The following RGS8 variants were observed in gnomAD, a reference collection of about 807,000 sequenced individuals.
RGS8 encodes regulator of G-protein signaling 8.
A neutral mutation model predicts 21.7 loss-of-function variants in RGS8; 8 were observed. The observed-to-expected ratio is 0.37, with a 90% CI of 0.22 to 0.66. The LOEUF is 0.66. Ranked by LOEUF, RGS8 falls within the 30% of genes least tolerant of loss-of-function variation. The pLI is 0.59. For missense variants in RGS8, 157 were observed against 217.9 expected (o/e 0.72, Z 1.76); for synonymous variants, 80 against 83.6 (o/e 0.96, Z 0.24).
chr1:182,666,083 G>A (rs980993224), intron 4 of RGS8, 50 bp from the exon 6 acceptor site: 6 of 1,509,958 alleles, frequency 4.0e-6, no homozygotes, highest in Non-Finnish European at 5.5e-6. Flanking sequence ...TAACCTCCTT[G>A]CCCTCAACAA....
the RGS8 span, among the ~76,000 whole-genome samples, chr1:182,742,295 T>C: frequency 6.8e-6 from 1 of 146,706 alleles, no homozygotes; most frequent in Non-Finnish European, 1.5e-5. Flanking sequence ...TCCCAGACGA[T>C]GGGTGGCCAG....
chr1:182,677,335 G>A (rs931236504), upstream of RGS8, among the ~76,000 whole-genome samples: 2 of 152,112 alleles, frequency 1.3e-5, no homozygotes, highest in African/African-American at 4.8e-5. Context: ...CTTGACAAAC[G>A]GCAAATAGCT....
At chr1:182,712,086 A>G in the RGS8 span, among the ~76,000 whole-genome samples, 1 of 152,242 alleles carries the variant, frequency 6.6e-6, no homozygotes. Flanking sequence ...ACTCCCATTT[A>G]ACAAGTGAAG....
the RGS8 span, among the ~76,000 whole-genome samples, chr1:182,749,756 G>C: frequency 6.6e-6 from 1 of 152,050 alleles, no homozygotes. Context: ...TCCAGGATAC[G>C]TGTGCAGAAC....
chr1:182,692,571 G>T, the RGS8 span, among the ~76,000 whole-genome samples: 9 of 149,282 alleles, frequency 6.0e-5, no homozygotes, highest in East Asian at 1.2e-3. Context: ...CAGATTCAGT[G>T]CTATACCTAT....
the RGS8 span, among the ~76,000 whole-genome samples, chr1:182,696,709 G>A: frequency 1.3e-5 from 2 of 152,222 alleles, no homozygotes; most frequent in African/African-American, 4.8e-5. Context: ...TTTGTGCCTT[G>A]TAGCTATTGC....
chr1:182,659,516 T>C (rs1248978861), intron 5 of RGS8, among the ~76,000 whole-genome samples: 1 of 152,148 alleles, frequency 6.6e-6, no homozygotes, highest in East Asian at 1.9e-4. Context: ...CTGACCAACA[T>C]GGTGAAACCT....
At chr1:182,674,938 A>T (rs1571351032), upstream of RGS8, among the ~76,000 whole-genome samples, 1 of 151,266 alleles carries the variant, frequency 6.6e-6, no homozygotes, top group Admixed American at 6.6e-5. Context: ...GTCTATACTC[A>T]CTCCTCTTGG....
At chr1:182,687,919 C>T (rs1664741947), upstream of RGS8, among the ~76,000 whole-genome samples, 1 of 152,196 alleles carries the variant, frequency 6.6e-6, no homozygotes, top group South Asian at 2.1e-4. Flanking sequence ...CAAGGAACTC[C>T]ACCATTTCCT....
chr1:182,734,203 G>A, the RGS8 span, among the ~76,000 whole-genome samples: 1 of 152,150 alleles, frequency 6.6e-6, no homozygotes. Context: ...TCACAGGCAT[G>A]AGCCACCGTG....
the RGS8 span, among the ~76,000 whole-genome samples, chr1:182,708,700 C>T: frequency 6.6e-6 from 1 of 152,244 alleles, no homozygotes; most frequent in African/African-American, 2.4e-5. Flanking sequence ...CGGCCAAGAA[C>T]AACAGACTTC....
At chr1:182,731,248 C>T in the RGS8 span, among the ~76,000 whole-genome samples, 1 of 152,222 alleles carries the variant, frequency 6.6e-6, no homozygotes, top group East Asian at 1.9e-4. Context: ...ACCTTTAGCC[C>T]TCACAAACTT....
At chr1:182,742,676 C>G in the RGS8 span, among the ~76,000 whole-genome samples, 1 of 152,036 alleles carries the variant, frequency 6.6e-6, no homozygotes, top group East Asian at 1.9e-4. Context: ...TGCAGTGAGC[C>G]GAGATGGCAG....
At chr1:182,732,259 G>GCT in the RGS8 span, among the ~76,000 whole-genome samples, 10 of 92,786 alleles carry the variant, frequency 1.1e-4, no homozygotes, top group African/African-American at 4.1e-4. Flanking sequence ...CCTCTGTCTC[G>GCT]CTCTCTCTCT....
At chr1:182,741,501 G>A in the RGS8 span, among the ~76,000 whole-genome samples, 3 of 133,018 alleles carry the variant, frequency 2.3e-5, no homozygotes, top group Non-Finnish European at 4.9e-5. Flanking sequence ...GCGGGGGGCT[G>A]ACCCCGCCAC....
chr1:182,734,721 G>T, the RGS8 span: 1 of 152,186 alleles, frequency 6.6e-6, no homozygotes, highest in Non-Finnish European at 1.5e-5. Context: ...AGGAACCAAG[G>T]AGTTATAATT....
chr1:182,746,706 AAG>A, the RGS8 span, among the ~76,000 whole-genome samples: 5 of 150,758 alleles, frequency 3.3e-5, no homozygotes, highest in African/African-American at 4.8e-5. Context: ...GAAGGAAAGA[AAG>A]AGAGAGAGAG....
At chr1:182,655,166 T>A (rs1351101579) in intron 5 of RGS8, among the ~76,000 whole-genome samples, 1 of 152,228 alleles carries the variant, frequency 6.6e-6, no homozygotes, top group East Asian at 1.9e-4. Context: ...AGTCTGTAAG[T>A]GGCAAGGATG....
chr1:182,650,150 T>G (rs1271401017), intron 5 of RGS8, among the ~76,000 whole-genome samples: 1 of 150,304 alleles, frequency 6.7e-6, no homozygotes, highest in East Asian at 1.9e-4. Flanking sequence ...GACCTTGTGA[T>G]CCACCCGCCT....
Sources: allele counts gnomAD v4.1 joint callset (sites outside exome capture counted in the v4.1 genomes callset), GRCh38; gene constraint gnomAD v4.1.1; transcripts MANE v1.5; gene names NCBI Gene and HGNC (gene_info 2026-07-23, HGNC 2026-07-21).